CLOCK: variants seen among roughly 807,000 people sequenced by gnomAD.
CLOCK encodes the protein circadian locomoter output cycles protein kaput.
A neutral mutation model predicts 118.4 loss-of-function variants in CLOCK; 43 were observed. The observed-to-expected ratio is 0.36, with a 90% CI of 0.28 to 0.47. The LOEUF (loss-of-function observed/expected upper bound fraction) is 0.47. Among genes scored for constraint, CLOCK ranks in the 20% least tolerant of loss-of-function variants. CLOCK has a pLI of 1.00. For synonymous variants in CLOCK, 326 were observed against 339.2 expected (o/e 0.96, Z 0.43); for missense variants, 846 against 999.9 (o/e 0.85, Z 2.08).
At chr4:55,479,367 T>C (rs1315963356) in intron 5 of CLOCK, among the ~76,000 whole-genome samples, 1 of 152,150 alleles carries the variant, frequency 6.6e-6, no homozygotes, top group African/African-American at 2.4e-5. Context: ...TGATTATTTA[T>C]AAAACAATCA....
intron 22 of CLOCK, among the ~76,000 whole-genome samples, chr4:55,436,438 T>C (rs1722881972): frequency 6.6e-6 from 1 of 152,302 alleles, no homozygotes; most frequent in Admixed American, 6.5e-5. Flanking sequence ...GACATGCTGT[T>C]CATTAATGTA....
In CLOCK at chr4:55,463,677, C is replaced by A. The variant is rs1725529215; in HGVS notation, c.559+8G>T. On this transcript the variant is annotated splice_region_variant and intron_variant, in intron 9 of 22. Coordinates refer to ENST00000513440, the MANE Select transcript of CLOCK (RefSeq NM_004898.4). ...ATTTGACTTTTTTGCTTAACAGCTA[C>A]TACTTACATTTTAAATATTCTGGGG... 1 of 1,612,696 alleles carries A rather than the reference C, an allele frequency of 6.2e-7. No homozygotes were observed. The highest frequency in any genetic ancestry group is 1.3e-5 in the African/African-American group (1 of 74,876).
At chr4:55,510,352 T>C (rs3828480) in intron 1 of CLOCK, among the ~76,000 whole-genome samples, 51,409 of 151,924 alleles carry the variant, frequency 0.34, 9,392 homozygotes, top group East Asian at 0.58. Flanking sequence ...CTGGGACGGG[T>C]GCGGTGGCTC....
intron 4 of CLOCK, among the ~76,000 whole-genome samples, chr4:55,480,830 G>A (rs61541312): frequency 0.023 from 3,417 of 151,146 alleles, 46 homozygotes; most frequent in Middle Eastern, 0.065. Flanking sequence ...GGTGGAGCTT[G>A]CAGTGAGCCG....
At chr4:55,453,404 G>A in intron 14 of CLOCK, 1 of 483,114 alleles carries the variant, frequency 2.1e-6, no homozygotes, top group Non-Finnish European at 3.6e-6. Context: ...TCTACCTACA[G>A]TTTTCCTTTT....
At chr4:55,483,313 T>C (rs1727057508) in intron 3 of CLOCK, among the ~76,000 whole-genome samples, 1 of 152,068 alleles carries the variant, frequency 6.6e-6, no homozygotes, top group African/African-American at 2.4e-5. Flanking sequence ...AATGAAGGTA[T>C]ATACTGTGTA....
rs180801942 is a variant in CLOCK at position 55,471,565 on chromosome 4, T to C, written c.349-759A>G. On this transcript the variant is annotated intron_variant, in intron 7 of 22. Transcript: ENST00000513440. The stretch of plus-strand genomic sequence containing the variant: ...TAAAGAAAAGTACTTCGAGCAAGCA[T>C]TGAGAAATGTGAAGTTCGATTTCAG... Among the ~76,000 whole-genome samples, 404 of 152,316 alleles carry C rather than the reference T, an allele frequency of 2.7e-3. 1 individual carries two copies. The highest frequency in any genetic ancestry group is 8.7e-3 in the South Asian group (42 of 4,832).
chr4:55,456,814 G>A (rs1000798965), intron 11 of CLOCK, among the ~76,000 whole-genome samples: 4 of 152,010 alleles, frequency 2.6e-5, no homozygotes, highest in Non-Finnish European at 5.9e-5. Flanking sequence ...AAGTAGCTGG[G>A]ACTATAGGGA....
At chr4:55,454,090 C>T (rs1350116437) in intron 13 of CLOCK, among the ~76,000 whole-genome samples, 3 of 152,182 alleles carry the variant, frequency 2.0e-5, no homozygotes, top group Non-Finnish European at 4.4e-5. Context: ...AGAATTCACA[C>T]TGCTGACTTC....
intron 1 of CLOCK, among the ~76,000 whole-genome samples, chr4:55,516,071 T>C (rs989185280): frequency 6.6e-6 from 1 of 152,190 alleles, no homozygotes; most frequent in Non-Finnish European, 1.5e-5. Flanking sequence ...ACAGATACTG[T>C]CTGATTTCTA....
chr4:55,510,244 G>A (rs573832948), intron 1 of CLOCK, among the ~76,000 whole-genome samples, 179 bp from the exon 2 acceptor site: 76 of 152,262 alleles, frequency 5.0e-4, no homozygotes, highest in African/African-American at 1.7e-3. Context: ...GAACTCAACC[G>A]TAAATGGGAC....
In CLOCK at chr4:55,438,548, A is replaced by G; in HGVS notation, c.2106-11T>C. On this transcript the variant is annotated splice_polypyrimidine_tract_variant and intron_variant, in intron 21 of 22. Coordinates refer to ENST00000513440, the MANE Select transcript of CLOCK (RefSeq NM_004898.4). ...TGACCTTGAGAAAATCTGTTAGAAGAAAGAAGGAAAAAAATTGGAGTCCAA... is the reference window on the plus strand; with the variant it reads ...TGACCTTGAGAAAATCTGTTAGAAGGAAGAAGGAAAAAAATTGGAGTCCAA... The G allele has an allele frequency of 6.2e-7, 1 of 1,612,804 alleles. No individual in the cohort carries two copies. Among genetic ancestry groups the G allele is most frequent in the Non-Finnish European group, 8.5e-7 (1 of 1,179,972 alleles).
At chr4:55,454,482 G>T (rs1724751009) in intron 13 of CLOCK, among the ~76,000 whole-genome samples, 1 of 151,774 alleles carries the variant, frequency 6.6e-6, no homozygotes, top group Non-Finnish European at 1.5e-5. Context: ...AGGCATGGTG[G>T]TACGTGCCTG....
chr4:55,482,569 A>C (rs1006540698), intron 4 of CLOCK, among the ~76,000 whole-genome samples, 170 bp downstream of exon 4: 6 of 152,202 alleles, frequency 3.9e-5, no homozygotes, highest in African/African-American at 1.4e-4. Context: ...GAAAATACTG[A>C]TATACCTTAC....
chr4:55,445,995 TGCTTCTG>T (rs989512360), intron 18 of CLOCK, among the ~76,000 whole-genome samples: 2 of 152,130 alleles, frequency 1.3e-5, no homozygotes, highest in Non-Finnish European at 2.9e-5. Context: ...ATTTCTGGTA[TGCTTCTG>T]GCTTCTGACT....
At chr4:55,440,034 A>T (rs970861056) in intron 21 of CLOCK, among the ~76,000 whole-genome samples, 3 of 151,354 alleles carry the variant, frequency 2.0e-5, no homozygotes, top group South Asian at 2.1e-4. Context: ...TTTAATCTAT[A>T]AAAAAAAACC....
chr4:55,462,808 C>A (rs1283500133), intron 9 of CLOCK, among the ~76,000 whole-genome samples: 1 of 151,600 alleles, frequency 6.6e-6, no homozygotes, highest in Non-Finnish European at 1.5e-5. Context: ...GCTGAAAGGC[C>A]ATCCACTCTT....
chr4:55,456,990 G>C (rs1184891807), intron 11 of CLOCK, among the ~76,000 whole-genome samples: 1 of 152,116 alleles, frequency 6.6e-6, no homozygotes, highest in Non-Finnish European at 1.5e-5. Context: ...TTCTAAACAA[G>C]TTAATATATT....
rs1722348538 is a variant in CLOCK at position 55,428,888 on chromosome 4, T to G, written c.*6527A>C. 6.6e-6 allele frequency: 1 copy of G among 151,730 alleles called. No individual in the cohort carries two copies. The highest frequency in any genetic ancestry group is 2.1e-4 in the South Asian group (1 of 4,810). The allele number at this position is 151,730 out of a possible 1,614,324, so 9.4% of individuals were successfully genotyped here. A position where few individuals can be genotyped will look rare whatever the true frequency, so the allele number is the denominator to read the frequency against. On this transcript the variant is annotated 3_prime_UTR_variant, in exon 23 of 23. Coordinates refer to ENST00000513440, the MANE Select transcript of CLOCK (RefSeq NM_004898.4). ...TAGAGTGAATATGAAAATGCCATAC[T>G]GAGGCCTTCCCCAACTTAAACCATA... is the stretch of plus-strand genomic sequence containing the variant.
Sources: allele counts gnomAD v4.1 joint callset (sites outside exome capture counted in the v4.1 genomes callset), GRCh38; gene constraint gnomAD v4.1.1; transcripts MANE v1.5; gene names NCBI Gene and HGNC (gene_info 2026-07-23, HGNC 2026-07-21).